Variants in RMST observed in about 807,000 individuals in gnomAD.
RMST encodes the protein long intergenic non-protein coding RNA 54.
intron 3 of RMST, chr12:97,463,049 C>CTCTCTCTCTT (rs1872760781): frequency 6.7e-6 from 1 of 149,116 alleles, no homozygotes; most frequent in African/African-American, 2.5e-5. Flanking sequence ...CTCTCTCTCT[C>CTCTCTCTCTT]TCTCTCTCTG....
chr12:97,491,816 C>T (rs1876849174), intron 5 of RMST: 9 of 437,052 alleles, frequency 2.1e-5, no homozygotes, highest in Admixed American at 4.7e-5. Context: ...GCTTTTTTGT[C>T]GTCATGGGTC....
At chr12:97,533,682 TTAGGTCCCACCACATAGTGAA>T (rs1881851521) in intron 11 of RMST, 1 of 151,898 alleles carries the variant, frequency 6.6e-6, no homozygotes, top group African/African-American at 2.4e-5. Flanking sequence ...ATTTTTAGTC[TTAGGTCCCACCACATAGTGAA>T]TGTGTCTGCC....
intron 10 of RMST, among the ~76,000 whole-genome samples, chr12:97,522,095 C>T (rs1880574488): frequency 1.3e-5 from 2 of 152,180 alleles, no homozygotes; most frequent in South Asian, 4.1e-4. Flanking sequence ...TCAACACACA[C>T]CATTTTATTT....
At chr12:97,556,866 C>T (rs9919794) in intron 11 of RMST, among the ~76,000 whole-genome samples, 1 of 152,024 alleles carries the variant, frequency 6.6e-6, no homozygotes. Context: ...TTCAGACAAC[C>T]CTATTTAGAA....
intron 5 of RMST, among the ~76,000 whole-genome samples, chr12:97,491,190 A>G (rs1485788935): frequency 6.6e-6 from 1 of 152,166 alleles, no homozygotes; most frequent in African/African-American, 2.4e-5. Context: ...CTCCAAAGCA[A>G]TTTGGTCGAA....
At chr12:97,471,399 A>G (rs938507400) in intron 5 of RMST, among the ~76,000 whole-genome samples, 13 of 152,082 alleles carry the variant, frequency 8.5e-5, no homozygotes, top group African/African-American at 3.1e-4. Flanking sequence ...GGGAATTCCT[A>G]CCTGCTAGTG....
intron 4 of RMST, among the ~76,000 whole-genome samples, chr12:97,465,248 C>T (rs1309484998): frequency 6.6e-6 from 1 of 152,156 alleles, no homozygotes; most frequent in Non-Finnish European, 1.5e-5. Flanking sequence ...AGATGTGCTG[C>T]GGCTCTGCTA....
intron 5 of RMST, among the ~76,000 whole-genome samples, chr12:97,477,358 A>T (rs11109053): frequency 0.12 from 18,742 of 152,182 alleles, 1,782 homozygotes; most frequent in East Asian, 0.41. Context: ...ATGGAAAGGC[A>T]GATGAAGAAT....
chr12:97,549,176 C>A (rs554648827), intron 11 of RMST, among the ~76,000 whole-genome samples: 7 of 152,314 alleles, frequency 4.6e-5, no homozygotes, highest in African/African-American at 1.7e-4. Context: ...AAGTTGAAAT[C>A]TCCTTAAGGG....
At chr12:97,559,328 G>T (rs949767359) in intron 11 of RMST, among the ~76,000 whole-genome samples, 3 of 152,104 alleles carry the variant, frequency 2.0e-5, no homozygotes, top group African/African-American at 7.2e-5. Context: ...TTCTATTATT[G>T]CCAAAGGAAG....
intron 5 of RMST, among the ~76,000 whole-genome samples, chr12:97,475,590 T>TG (rs1874453656): frequency 6.7e-6 from 1 of 148,870 alleles, no homozygotes; most frequent in Admixed American, 6.7e-5. Flanking sequence ...TTTTTTTGTT[T>TG]TTTTTTTTTA....
At chr12:97,552,420 T>A (rs1883370192) in intron 11 of RMST, among the ~76,000 whole-genome samples, 1 of 152,212 alleles carries the variant, frequency 6.6e-6, no homozygotes. Flanking sequence ...ATGGATTCCT[T>A]GACATGAATT....
At chr12:97,545,822 G>A (rs117689953) in intron 11 of RMST, among the ~76,000 whole-genome samples, 3,700 of 152,190 alleles carry the variant, frequency 0.024, 47 homozygotes, top group Admixed American at 0.035. Flanking sequence ...ATGACTCCAC[G>A]TAAATATGTC....
chr12:97,541,118 T>G (rs949302411), intron 11 of RMST: 1 of 151,678 alleles, frequency 6.6e-6, no homozygotes, highest in Non-Finnish European at 1.5e-5. Context: ...CTTCTGGCTT[T>G]CTTATTTTCT....
chr12:97,536,307 G>GA (rs5800316), intron 11 of RMST, among the ~76,000 whole-genome samples: 15 of 149,846 alleles, frequency 1.0e-4, no homozygotes, highest in Non-Finnish European at 1.9e-4. Flanking sequence ...CAAAATAATT[G>GA]AAAAAAAAAC....
At chr12:97,487,318 A>T (rs1231112959) in intron 5 of RMST, among the ~76,000 whole-genome samples, 1 of 152,194 alleles carries the variant, frequency 6.6e-6, no homozygotes, top group African/African-American at 2.4e-5. Context: ...CACTGGGTAG[A>T]TGTGAGCTTT....
chr12:97,551,616 C>T (rs1883318475), intron 11 of RMST, among the ~76,000 whole-genome samples: 1 of 152,134 alleles, frequency 6.6e-6, no homozygotes, highest in African/African-American at 2.4e-5. Flanking sequence ...CATATTTTCT[C>T]ATAACTTTCT....
chr12:97,523,634 A>AT (rs950479751), intron 10 of RMST, among the ~76,000 whole-genome samples: 8 of 151,730 alleles, frequency 5.3e-5, no homozygotes, highest in East Asian at 1.9e-4. Flanking sequence ...GAATGATACA[A>AT]TTTTTTTTTC....
intron 9 of RMST, among the ~76,000 whole-genome samples, chr12:97,495,718 G>A (rs933115929): frequency 1.3e-5 from 2 of 151,912 alleles, no homozygotes; most frequent in African/African-American, 2.4e-5. Flanking sequence ...TAGATAATTC[G>A]TGATTTGTAA....
Sources: gnomAD v4.1 joint callset for allele counts (sites outside exome capture counted in the v4.1 genomes callset) on GRCh38, gnomAD v4.1.1 for gene constraint, MANE v1.5 for transcripts, NCBI Gene and HGNC (gene_info 2026-07-23, HGNC 2026-07-21) for gene names.